Variants in GRIK2 observed in about 807,000 individuals in gnomAD.
GRIK2 encodes glutamate receptor ionotropic, kainate 2.
A neutral mutation model predicts 100.3 loss-of-function variants in GRIK2; 32 were observed. That is an observed-to-expected ratio of 0.32 (90% CI 0.24 to 0.43). The LOEUF (loss-of-function observed/expected upper bound fraction) is 0.43. GRIK2 is among the 20% of genes least tolerant of loss of function. GRIK2 has a pLI of 1.00. For missense variants in GRIK2, 843 were observed against 1,114.9 expected, an observed-to-expected ratio of 0.76 and a Z score of 3.47; for synonymous variants, 417 against 389.4, an observed-to-expected ratio of 1.07 and a Z score of -0.83.
At chr6:101,853,383 G>A (rs1784249630) in intron 10 of GRIK2, among the ~76,000 whole-genome samples, 2 of 152,120 alleles carry the variant, frequency 1.3e-5, no homozygotes, top group African/African-American at 4.8e-5. Context: ...AAACAACAAT[G>A]AGACATCACC....
At position 101,592,096 on chromosome 6, in the gene GRIK2, T is replaced by C. The variant is rs889518341; in HGVS notation, c.116-29853T>C. On this transcript the variant is annotated intron_variant, in intron 2 of 16. Transcript: ENST00000369134. ...ACTCCCTCTTTGCCTTCTGCCATGA[T>C]TGCAAGCTTCCTAATGCCCTCACTA... Among the ~76,000 whole-genome samples, 18 of 152,000 alleles carry C rather than the reference T, an allele frequency of 1.2e-4. No homozygotes were observed. The East Asian group carries it at 3.5e-3, about 29-fold the overall frequency.
chr6:101,454,088 A>C (rs190907926), intron 2 of GRIK2, among the ~76,000 whole-genome samples: 6 of 152,062 alleles, frequency 3.9e-5, no homozygotes, highest in Non-Finnish European at 5.9e-5. Context: ...CCTACCGTAG[A>C]CTGAAGGAAG....
At chr6:101,697,774 T>C (rs1772602392) in intron 7 of GRIK2, among the ~76,000 whole-genome samples, 1 of 151,982 alleles carries the variant, frequency 6.6e-6, no homozygotes, top group South Asian at 2.1e-4. Context: ...CTGCTAACAG[T>C]TTAATATTTC....
intron 10 of GRIK2, among the ~76,000 whole-genome samples, chr6:101,828,751 T>G (rs549591894): frequency 7.9e-5 from 12 of 151,884 alleles, no homozygotes; most frequent in Non-Finnish European, 1.6e-4. Context: ...AGACTAATAA[T>G]GAGCAAAGGA....
rs79971200 is a variant in GRIK2 at position 101,497,274 on chromosome 6, C to A, written c.115+97882C>A. Among the ~76,000 whole-genome samples, 366 of 152,312 alleles carry A rather than the reference C, an allele frequency of 2.4e-3. 8 individuals are homozygous for A. The East Asian group carries it at 0.056, about 23-fold the overall frequency. Reference sequence around the variant, plus strand: ...CTTCCATTTGCTTCTTCAATTTGAACCTCCTGCATTGGATGATGAACTCCA... The same window carrying A: ...CTTCCATTTGCTTCTTCAATTTGAAACTCCTGCATTGGATGATGAACTCCA... On this transcript the variant is annotated intron_variant, in intron 2 of 16. Transcript: ENST00000369134.
rs532023942 is a variant in GRIK2, at chr6:101,650,172, C to A, written c.541+23535C>A. Among the ~76,000 whole-genome samples the A allele has an allele frequency of 6.6e-5, 10 of 152,046 alleles. 1 individual carries two copies. The highest frequency in any genetic ancestry group is 2.0e-4 in the Admixed American group (3 of 15,234). ...TCAGAGCACATAGGATTTTTCTGACCATAACTAAAGTGCAAAGGTTTAAAA... is the reference window on the plus strand; with the variant it reads ...TCAGAGCACATAGGATTTTTCTGACAATAACTAAAGTGCAAAGGTTTAAAA... On this transcript the variant is annotated intron_variant, in intron 4 of 16. Transcript: ENST00000369134.
intron 2 of GRIK2, among the ~76,000 whole-genome samples, chr6:101,493,095 G>C (rs937726517): frequency 6.6e-6 from 1 of 151,800 alleles, no homozygotes; most frequent in African/African-American, 2.4e-5. Flanking sequence ...GAATTATCCA[G>C]AATATAATAC....
At chr6:101,851,349 T>A (rs1784115704) in intron 10 of GRIK2, among the ~76,000 whole-genome samples, 1 of 152,034 alleles carries the variant, frequency 6.6e-6, no homozygotes. Context: ...TGTTTTCACT[T>A]ATTGCACACA....
Position 101,686,229 on chromosome 6 carries a change from T to C in GRIK2, c.827T>C (p.Met276Thr), listed in dbSNP as rs778251449. The change falls in exon 7 of 17, where the codon ATG becomes ACG. Residue 276 changes from methionine to threonine, a missense_variant. This residue lies in a region of GRIK2 where 519 missense variants were observed against 643.8 expected (regional missense o/e 0.81). Coordinates refer to ENST00000369134, the MANE Select transcript of GRIK2 (RefSeq NM_021956.5). Reference protein sequence around the residue: ...VEPYRYSGVNMTGFRILNTEN... With the variant: ...VEPYRYSGVNTTGFRILNTEN... ...CCCTACCGATACAGTGGTGTTAACA[T>C]GACAGGGTTCAGAATATTAAATACA... 7 of 1,612,808 alleles carry C rather than the reference T, an allele frequency of 4.3e-6. No homozygotes were observed. Among genetic ancestry groups the C allele is most frequent in the South Asian group, 1.1e-5 (1 of 91,050 alleles).
At chr6:101,947,233 A>G (rs1299612476) in intron 14 of GRIK2, among the ~76,000 whole-genome samples, 2 of 152,114 alleles carry the variant, frequency 1.3e-5, no homozygotes, top group South Asian at 4.1e-4. Context: ...AATACTAACA[A>G]TATGTAACTG....
chr6:101,783,430 T>C (rs1328758500), intron 7 of GRIK2, among the ~76,000 whole-genome samples: 2 of 152,180 alleles, frequency 1.3e-5, no homozygotes, highest in Admixed American at 1.3e-4. Context: ...GTGAGTCAAT[T>C]AAATCTCTTT....
At chr6:101,877,614 G>C (rs1308613932) in intron 11 of GRIK2, among the ~76,000 whole-genome samples, 1 of 151,860 alleles carries the variant, frequency 6.6e-6, no homozygotes, top group African/African-American at 2.4e-5. Context: ...GTTAAAAATA[G>C]TTTTAAAAGA....
At chr6:102,066,606 C>G (rs1772029088) in intron 16 of GRIK2, among the ~76,000 whole-genome samples, 1 of 151,018 alleles carries the variant, frequency 6.6e-6, no homozygotes, top group African/African-American at 2.4e-5. Flanking sequence ...AGCAGGGTAC[C>G]AGAACAAGGA....
At chr6:101,699,733 CAG>C (rs1473212238) in intron 7 of GRIK2, among the ~76,000 whole-genome samples, 1 of 152,088 alleles carries the variant, frequency 6.6e-6, no homozygotes, top group African/African-American at 2.4e-5. Flanking sequence ...ATTTAAGAAA[CAG>C]AGGAGAGAGT....
In GRIK2 at chr6:101,806,056, A is replaced by G. The variant is rs542869098; in HGVS notation, c.1203+3618A>G. On this transcript the variant is annotated intron_variant, in intron 9 of 16. Coordinates refer to ENST00000369134, the MANE Select transcript of GRIK2 (RefSeq NM_021956.5). Reference sequence around the variant, plus strand: ...AGCCCAATTCACTGTGGTCCCAAAAAGATCACCGATACTGTATACACAGCC... The same window carrying G: ...AGCCCAATTCACTGTGGTCCCAAAAGGATCACCGATACTGTATACACAGCC... 1.2e-4 allele frequency among the ~76,000 whole-genome samples: 18 copies of G among 152,154 alleles called. No homozygotes were observed. In the East Asian group the frequency reaches 3.5e-3, roughly 30 times the overall value.
chr6:101,669,327 A>G lies in GRIK2; in HGVS notation c.542-7296A>G, dbSNP rs533075584. On this transcript the variant is annotated intron_variant, in intron 4 of 16. Transcript: ENST00000369134. ...GTTTGTTTGTAAATTATTTATATTAACCACATTTTCAGCAAAATTAATTTT... is the reference window on the plus strand; with the variant it reads ...GTTTGTTTGTAAATTATTTATATTAGCCACATTTTCAGCAAAATTAATTTT... Among the ~76,000 whole-genome samples, 115 of 152,320 alleles carry G rather than the reference A, an allele frequency of 7.5e-4. 5 individuals carry two copies. The South Asian group carries it at 0.024, about 31-fold the overall frequency.
chr6:101,523,455 C>A (rs186233535), intron 2 of GRIK2, among the ~76,000 whole-genome samples: 377 of 152,198 alleles, frequency 2.5e-3, no homozygotes, highest in African/African-American at 8.7e-3. Context: ...GGGATACACA[C>A]TGGGACTATG....
intron 12 of GRIK2, among the ~76,000 whole-genome samples, chr6:101,895,838 AAT>A (rs1489693780): frequency 1.3e-5 from 2 of 151,742 alleles, no homozygotes; most frequent in East Asian, 1.9e-4. Context: ...CACACTTAGC[AAT>A]TTTCCTAAAA....
intron 2 of GRIK2, among the ~76,000 whole-genome samples, chr6:101,561,619 G>C (rs1231348922): frequency 1.3e-5 from 2 of 151,926 alleles, no homozygotes; most frequent in Non-Finnish European, 2.9e-5. Context: ...CTCCCAGAAT[G>C]TGGGCAACTA....
Sources: allele counts gnomAD v4.1 joint callset (sites outside exome capture counted in the v4.1 genomes callset), GRCh38; gene constraint gnomAD v4.1.1; regional missense constraint gnomAD v4.1.1; transcripts MANE v1.5; gene names NCBI Gene and HGNC (gene_info 2026-07-23, HGNC 2026-07-21).